Variants in ZNF385D observed in about 807,000 individuals in gnomAD.
ZNF385D encodes the protein zinc finger protein 385D, also known as zinc finger protein 659.
Under a neutral mutation model 35.8 loss-of-function variants are expected in ZNF385D, and 15 were observed. The ratio of observed to expected loss-of-function variants is 0.42; its 90% CI spans 0.28 to 0.64. The LOEUF is 0.64. Ranked by LOEUF, ZNF385D falls within the 30% of genes least tolerant of loss-of-function variation. The probability of loss-of-function intolerance (pLI) is 0.23; values close to 1 mark genes in which losing one functional copy is unlikely to be tolerated. For missense variants in ZNF385D, 474 were observed against 494.6 expected (o/e 0.96, Z 0.39); for synonymous variants, 212 against 186.8 (o/e 1.13, Z -1.10).
chr3:22,196,737 C>T (rs1164097298), intron 2 of ZNF385D, among the ~76,000 whole-genome samples: 1 of 151,982 alleles, frequency 6.6e-6, no homozygotes, highest in Non-Finnish European at 1.5e-5. Flanking sequence ...TTTGTTTAAA[C>T]CCCAAAATAC....
intron 1 of ZNF385D, among the ~76,000 whole-genome samples, chr3:21,705,212 G>C (rs982153326): frequency 6.6e-6 from 1 of 152,102 alleles, no homozygotes; most frequent in African/African-American, 2.4e-5. Context: ...AATGCAGCTG[G>C]CATGCTATCA....
chr3:21,943,383 CTT>C (rs1408490756), intron 3 of ZNF385D, among the ~76,000 whole-genome samples: 5 of 151,232 alleles, frequency 3.3e-5, no homozygotes, highest in Admixed American at 6.6e-5. Context: ...CTTATCCTGT[CTT>C]ATCTCTTTTT....
chr3:21,663,911 A>T (rs5008264), intron 2 of ZNF385D, among the ~76,000 whole-genome samples: 5 of 108,998 alleles, frequency 4.6e-5, no homozygotes, highest in South Asian at 2.6e-4. Flanking sequence ...ATATATATAT[A>T]TATATATTTA....
intron 4 of ZNF385D, among the ~76,000 whole-genome samples, chr3:21,449,393 C>T (rs1374508613): frequency 6.6e-6 from 1 of 151,966 alleles, no homozygotes; most frequent in Non-Finnish European, 1.5e-5. Context: ...ATCACAACAT[C>T]GTATTGGAGC....
chr3:22,320,707 T>C (rs1220720216), intron 2 of ZNF385D, among the ~76,000 whole-genome samples: 2 of 151,490 alleles, frequency 1.3e-5, no homozygotes, highest in Non-Finnish European at 2.9e-5. Context: ...ATTTTTAACA[T>C]GTCTACTTTC....
intron 3 of ZNF385D, among the ~76,000 whole-genome samples, chr3:21,906,341 T>C (rs1344489655): frequency 6.6e-6 from 1 of 152,196 alleles, no homozygotes; most frequent in East Asian, 1.9e-4. Flanking sequence ...AATTGCTCAA[T>C]GACTTACAAA....
At chr3:21,435,878 G>T (rs1460339986) in intron 5 of ZNF385D, among the ~76,000 whole-genome samples, 3 of 152,126 alleles carry the variant, frequency 2.0e-5, no homozygotes, top group Non-Finnish European at 2.9e-5. Flanking sequence ...CTGGAGGAAG[G>T]TGTGTGTTGA....
chr3:22,131,649 A>G (rs576135694), intron 3 of ZNF385D, among the ~76,000 whole-genome samples: 6 of 152,260 alleles, frequency 3.9e-5, no homozygotes, highest in Admixed American at 1.3e-4. Context: ...AAGAGAACAG[A>G]TGTTTATCCA....
intron 2 of ZNF385D, among the ~76,000 whole-genome samples, chr3:21,595,893 TATC>T (rs1390271661): frequency 6.6e-6 from 1 of 152,208 alleles, no homozygotes; most frequent in Non-Finnish European, 1.5e-5. Context: ...ATACCAACTA[TATC>T]ATATGTCAGG....
intron 4 of ZNF385D, among the ~76,000 whole-genome samples, chr3:21,502,850 GA>G (rs1338874910): frequency 6.6e-6 from 1 of 152,164 alleles, no homozygotes; most frequent in Non-Finnish European, 1.5e-5. Context: ...GCTAAGAAAA[GA>G]AAAAGCACTC....
chr3:22,156,240 A>G (rs1705571996), intron 3 of ZNF385D, among the ~76,000 whole-genome samples: 1 of 152,116 alleles, frequency 6.6e-6, no homozygotes, highest in South Asian at 2.1e-4. Flanking sequence ...AAGAAACAAG[A>G]AAAACACATA....
At chr3:21,791,069 A>G (rs2071907903) in intron 3 of ZNF385D, among the ~76,000 whole-genome samples, 1 of 152,214 alleles carries the variant, frequency 6.6e-6, no homozygotes, top group Admixed American at 6.5e-5. Context: ...TTCTCAATTT[A>G]CCAGAGGTTA....
intron 3 of ZNF385D, among the ~76,000 whole-genome samples, chr3:21,934,446 C>T (rs565403675): frequency 1.3e-5 from 2 of 152,136 alleles, no homozygotes; most frequent in Non-Finnish European, 2.9e-5. Context: ...GTAGCAACCA[C>T]CATCAATTAT....
At chr3:21,754,678 CCTT>C (rs1488935258), upstream of ZNF385D, among the ~76,000 whole-genome samples, 1 of 151,966 alleles carries the variant, frequency 6.6e-6, no homozygotes, top group Non-Finnish European at 1.5e-5. Flanking sequence ...TCCTTTCCTC[CCTT>C]ATTTTTCTCC....
intron 2 of ZNF385D, among the ~76,000 whole-genome samples, chr3:21,604,350 G>A (rs901275054): frequency 2.6e-5 from 4 of 152,142 alleles, no homozygotes; most frequent in Admixed American, 6.6e-5. Flanking sequence ...AAAGACATTC[G>A]CTTTGTTTGG....
chr3:22,330,183 A>T (rs1285346413), intron 2 of ZNF385D, among the ~76,000 whole-genome samples: 3 of 152,202 alleles, frequency 2.0e-5, no homozygotes, highest in Non-Finnish European at 2.9e-5. Context: ...TACAAGAAGT[A>T]TTCTTATTTT....
chr3:22,205,999 G>T lies in ZNF385D; in HGVS notation c.107-36964C>A, dbSNP rs1236254585. On this transcript the variant is annotated intron_variant, in intron 2 of 5. Transcript: ENST00000494108. ...TTCAAAAAGACCCAACTCAAATCTT[G>T]CCATATACAAAAATCAAATCAAAAT... 2.6e-5 allele frequency among the ~76,000 whole-genome samples: 4 copies of T among 151,816 alleles called. No individual in the cohort carries two copies. The South Asian group carries it at 8.3e-4, about 31-fold the overall frequency.
chr3:21,477,840 C>A (rs2125366278), intron 4 of ZNF385D, among the ~76,000 whole-genome samples: 1 of 152,240 alleles, frequency 6.6e-6, no homozygotes, highest in African/African-American at 2.4e-5. Flanking sequence ...GAAACTAAAA[C>A]CAATAAACAT....
In ZNF385D at chr3:21,417,555, T is replaced by C. The variant is rs1178832553; in HGVS notation, c.*3659A>G. 6.6e-6 allele frequency: 1 copy of C among 152,166 alleles called. No homozygotes were observed. Among genetic ancestry groups the C allele is most frequent in the Non-Finnish European group, 1.5e-5 (1 of 68,010 alleles). 9.4% of individuals were successfully genotyped at this position (152,166 alleles called of 1,614,324 possible). ...TTCTGATCTGATTTCTTCAGAACAA[T>C]TGAAACATTACACTGGTACAAAGAC... On this transcript the variant is annotated 3_prime_UTR_variant, in exon 8 of 8. Coordinates refer to ENST00000281523, the MANE Select transcript of ZNF385D (RefSeq NM_024697.3).
Sources: gnomAD v4.1 joint callset for allele counts (sites outside exome capture counted in the v4.1 genomes callset) on GRCh38, gnomAD v4.1.1 for gene constraint, MANE v1.5 for transcripts, NCBI Gene and HGNC (gene_info 2026-07-23, HGNC 2026-07-21) for gene names.